Variants in KHDRBS2 observed in about 807,000 individuals in gnomAD.
The protein encoded by KHDRBS2 is KH RNA binding domain containing, signal transduction associated 2, also known as KH domain-containing, RNA-binding, signal transduction-associated protein 2.
A neutral mutation model predicts 44.3 loss-of-function variants in KHDRBS2; 26 were observed. That is an observed-to-expected ratio of 0.59 (90% CI 0.43 to 0.81). KHDRBS2 has a LOEUF of 0.81. Ranked by LOEUF, KHDRBS2 falls within the 40% of genes least tolerant of loss-of-function variation. The probability of loss-of-function intolerance (pLI) is 0.00; values close to 1 mark genes in which losing one functional copy is unlikely to be tolerated. For missense variants in KHDRBS2, 476 were observed against 433.1 expected, an observed-to-expected ratio of 1.10 and a Z score of -0.88; for synonymous variants, 194 against 151.1, an observed-to-expected ratio of 1.28 and a Z score of -2.08.
At chr6:61,714,315 A>G (rs1204821956) in intron 7 of KHDRBS2, among the ~76,000 whole-genome samples, 1 of 151,960 alleles carries the variant, frequency 6.6e-6, no homozygotes, top group Non-Finnish European at 1.5e-5. Flanking sequence ...ATCATTAGAG[A>G]AATGCAAATT....
At chr6:61,585,352 A>T in the KHDRBS2 span, among the ~76,000 whole-genome samples, 1 of 152,232 alleles carries the variant, frequency 6.6e-6, no homozygotes, top group African/African-American at 2.4e-5. Flanking sequence ...AGCATTTTAC[A>T]GTGTTCCAAA....
At chr6:62,274,407 GTAGCA>G (rs1840583044) in intron 1 of KHDRBS2, among the ~76,000 whole-genome samples, 1 of 152,094 alleles carries the variant, frequency 6.6e-6, no homozygotes, top group African/African-American at 2.4e-5. Flanking sequence ...AGCATTGCTT[GTAGCA>G]TAAAATCCAA....
At chr6:61,646,188 T>C in the KHDRBS2 span, among the ~76,000 whole-genome samples, 2 of 152,198 alleles carry the variant, frequency 1.3e-5, no homozygotes, top group Non-Finnish European at 2.9e-5. Context: ...CTACAAAACA[T>C]TAATACTTCC....
At chr6:61,727,358 A>G (rs1425496820) in intron 7 of KHDRBS2, among the ~76,000 whole-genome samples, 5 of 152,216 alleles carry the variant, frequency 3.3e-5, no homozygotes, top group Non-Finnish European at 5.9e-5. Context: ...ACTATTCAGG[A>G]CATAGACACA....
At chr6:61,981,476 T>A (rs551929130) in intron 3 of KHDRBS2, among the ~76,000 whole-genome samples, 19 of 150,462 alleles carry the variant, frequency 1.3e-4, no homozygotes, top group East Asian at 5.8e-4. Context: ...AGTTTTTTTT[T>A]AATTTATTTG....
intron 6 of KHDRBS2, chr6:61,814,130 A>T (rs1032575328): frequency 6.7e-6 from 3 of 447,144 alleles, no homozygotes; most frequent in African/African-American, 6.0e-5. Context: ...TGATTCTATG[A>T]TTCTTTGAAT....
At chr6:62,071,442 T>A (rs946288737) in intron 2 of KHDRBS2, among the ~76,000 whole-genome samples, 4 of 152,220 alleles carry the variant, frequency 2.6e-5, no homozygotes, top group African/African-American at 9.6e-5. Flanking sequence ...TGGTATTGCT[T>A]ATGTTTTCTT....
intron 2 of KHDRBS2, among the ~76,000 whole-genome samples, chr6:62,104,146 G>A (rs1273780535): frequency 2.6e-5 from 4 of 152,138 alleles, no homozygotes; most frequent in African/African-American, 9.7e-5. Context: ...TATCAGTAAG[G>A]TATAAAAGAC....
chr6:61,851,860 T>C (rs1328871300), intron 6 of KHDRBS2, among the ~76,000 whole-genome samples: 2 of 152,240 alleles, frequency 1.3e-5, no homozygotes, highest in Non-Finnish European at 2.9e-5. Context: ...AGGATATCAA[T>C]ATGCAATTTA....
chr6:62,286,165 C>A lies in KHDRBS2; in HGVS notation c.-217G>T. The A allele has an allele frequency of 1.8e-6, 1 of 549,828 alleles. No homozygotes were observed. Among genetic ancestry groups the A allele is most frequent in the Non-Finnish European group, 3.2e-6 (1 of 315,350 alleles). The allele number at this position is 549,828 out of a possible 1,614,324, so 34.1% of individuals were successfully genotyped here. Reference sequence around the variant, plus strand: ...CACCTGCCCGTCCCTTCCGTCGTCCCTCGCTCGCGCAGAGCCCCGGCTCAC... The same window carrying A: ...CACCTGCCCGTCCCTTCCGTCGTCCATCGCTCGCGCAGAGCCCCGGCTCAC... On this transcript the variant is annotated 5_prime_UTR_variant, in exon 1 of 9. In the 5' UTR this introduces an upstream ATG that the reference lacks. Coordinates refer to ENST00000281156, the MANE Select transcript of KHDRBS2 (RefSeq NM_152688.4).
intron 6 of KHDRBS2, among the ~76,000 whole-genome samples, chr6:61,871,706 T>C (rs962396157): frequency 5.9e-5 from 9 of 152,190 alleles, no homozygotes; most frequent in Non-Finnish European, 1.2e-4. Flanking sequence ...ATATTCAACA[T>C]TTCTAAAGAA....
At chr6:61,749,673 C>A (rs1435228335) in intron 6 of KHDRBS2, among the ~76,000 whole-genome samples, 4 of 152,084 alleles carry the variant, frequency 2.6e-5, no homozygotes, top group Non-Finnish European at 5.9e-5. Flanking sequence ...TGATTCACTT[C>A]TTTGGTAACA....
At chr6:61,893,003 T>A (rs1802238148) in intron 6 of KHDRBS2, among the ~76,000 whole-genome samples, 1 of 152,138 alleles carries the variant, frequency 6.6e-6, no homozygotes, top group Admixed American at 6.5e-5. Flanking sequence ...AACCTACTCA[T>A]CTGACTAAGG....
chr6:62,086,324 A>C (rs1798369578), intron 2 of KHDRBS2, among the ~76,000 whole-genome samples: 1 of 152,184 alleles, frequency 6.6e-6, no homozygotes, highest in Non-Finnish European at 1.5e-5. Context: ...AATGACTCAA[A>C]GGCTGAAAAA....
intron 4 of KHDRBS2, among the ~76,000 whole-genome samples, chr6:61,908,608 T>C (rs992333113): frequency 7.1e-6 from 1 of 140,486 alleles, no homozygotes; most frequent in African/African-American, 2.7e-5. Flanking sequence ...CAGTCTGGCC[T>C]GGGCAAAAGA....
the KHDRBS2 span, among the ~76,000 whole-genome samples, chr6:61,613,612 A>G: frequency 1.3e-5 from 2 of 151,110 alleles, no homozygotes; most frequent in African/African-American, 4.9e-5. Flanking sequence ...AGTCATTACA[A>G]TCTTGCTTTA....
chr6:62,142,838 GA>G (rs1359627917), intron 2 of KHDRBS2, among the ~76,000 whole-genome samples: 6 of 150,504 alleles, frequency 4.0e-5, no homozygotes, highest in African/African-American at 1.2e-4. Context: ...TATTGAGAAA[GA>G]AAAAATATAT....
chr6:61,697,230 C>A lies in KHDRBS2; in HGVS notation c.917G>T (p.Gly306Val). 6.2e-7 allele frequency: 1 copy of A among 1,610,112 alleles called. No homozygotes were observed. The highest frequency in any genetic ancestry group is 1.1e-5 in the South Asian group (1 of 91,000). Reference sequence around the variant, plus strand: ...ATAGGCATCCTCACTTACTCCATGACCGTAGTCATAGTATTCAGGCACACT... The same window carrying A: ...ATAGGCATCCTCACTTACTCCATGAACGTAGTCATAGTATTCAGGCACACT... ...TQSVPEYYDYGHGVSEDAYDS... is the reference protein window; with the variant it reads ...TQSVPEYYDYVHGVSEDAYDS... Residue 306 changes from glycine to valine, a missense_variant, in exon 8 of 9, where the codon GGT becomes GTT. Physicochemically the swap from Gly to Val is moderately radical, Grantham distance 109 (BLOSUM62 -3). Transcript: ENST00000281156.
the KHDRBS2 span, among the ~76,000 whole-genome samples, chr6:61,604,956 T>C: frequency 2.3e-4 from 35 of 152,042 alleles, 1 homozygote; most frequent in South Asian, 4.8e-3. Context: ...AAGCAGTTTC[T>C]CAGGCTCTTG....
Sources: allele counts gnomAD v4.1 joint callset (sites outside exome capture counted in the v4.1 genomes callset), GRCh38; gene constraint gnomAD v4.1.1; transcripts MANE v1.5; gene names NCBI Gene and HGNC (gene_info 2026-07-23, HGNC 2026-07-21).